BCAM: variants seen among roughly 807,000 people sequenced by gnomAD.
BCAM encodes basal cell adhesion molecule.
Under a neutral mutation model 72.4 loss-of-function variants are expected in BCAM, and 61 were observed. The observed-to-expected ratio is 0.84, with a 90% confidence interval of 0.69 to 1.04. BCAM has a LOEUF of 1.04. Among genes scored for constraint, BCAM ranks in the 50% least tolerant of loss-of-function variants. The pLI is 0.00. For missense variants in BCAM, 909 were observed against 895.0 expected, an observed-to-expected ratio of 1.02 and a Z score of -0.20; for synonymous variants, 408 against 384.2, an observed-to-expected ratio of 1.06 and a Z score of -0.73.
Position 44,818,983 on chromosome 19 carries a change from T to C in BCAM, c.1337-73T>C, listed in dbSNP as rs942114938. ...CCTGAGTCCCTGGCTGGGGACTCCA[T>C]CTTCTGCTCGATGCCTCTCTTCTCT... On this transcript the variant is annotated intron_variant, in intron 10 of 14. Coordinates refer to ENST00000270233, the MANE Select transcript of BCAM (RefSeq NM_005581.5). The surrounding 1 kb of genome is among the most constrained non-coding windows in gnomAD (Gnocchi z 4.6). 4 of 1,600,522 alleles carry C rather than the reference T, an allele frequency of 2.5e-6. No individual in the cohort carries two copies. The highest frequency in any genetic ancestry group is 3.4e-6 in the Non-Finnish European group (4 of 1,171,444).
chr19:44,809,103 A>G lies in BCAM; in HGVS notation c.-22A>G. The G allele has an allele frequency of 7.1e-7, 1 of 1,410,866 alleles. No individual in the cohort carries two copies. Among genetic ancestry groups the G allele is most frequent in the Non-Finnish European group, 9.2e-7 (1 of 1,082,638 alleles). 87.4% of individuals were successfully genotyped at this position (1,410,866 alleles called of 1,614,324 possible). On this transcript the variant is annotated 5_prime_UTR_variant, in exon 1 of 15. Transcript: ENST00000270233. ...AGCGGCCGAGCTGCAGCCCGGGCTCAGTCTCCGCCGCCGCCGTGAACATGG... is the reference window on the plus strand; with the variant it reads ...AGCGGCCGAGCTGCAGCCCGGGCTCGGTCTCCGCCGCCGCCGTGAACATGG...
rs201402292 is a variant in BCAM, at chr19:44,814,256, C to T, written c.889C>T (p.Pro297Ser). 5.0e-6 allele frequency: 8 copies of T among 1,592,616 alleles called. No individual in the cohort carries two copies. The Admixed American group carries it at 9.2e-5, about 18-fold the overall frequency. ...VQLLCRGDGS[P>S]SPEYTLFRLQ... ...GCTGCTCTGCCGGGGGGACGGCAGCCCCAGCCCGGAGTATACGCTTTTCCG... is the reference window on the plus strand; with the variant it reads ...GCTGCTCTGCCGGGGGGACGGCAGCTCCAGCCCGGAGTATACGCTTTTCCG... Residue 297 changes from proline (P) to serine (S), a missense_variant, in exon 7 of 15, where the codon CCC becomes TCC. By Grantham distance (74) the Pro-to-Ser change is moderately conservative. Transcript: ENST00000270233. The surrounding 1 kb of genome is among the most constrained non-coding windows in gnomAD (Gnocchi z 4.6).
chr19:44,812,126 G>A lies in BCAM; in HGVS notation c.205-37G>A, dbSNP rs1968429074. The stretch of plus-strand genomic sequence containing the variant: ...GAGAGAGAGAGACTGAGGAGCGCTG[G>A]GACACCCGGAGCTGAGAGCCTGCCC... On this transcript the variant is annotated intron_variant, in intron 2 of 14. Coordinates refer to ENST00000270233, the MANE Select transcript of BCAM (RefSeq NM_005581.5). The surrounding 1 kb of genome is among the most constrained non-coding windows in gnomAD (Gnocchi z 5.3). The A allele has an allele frequency of 1.3e-6, 2 of 1,553,060 alleles. No individual in the cohort carries two copies. The highest frequency in any genetic ancestry group is 1.7e-6 in the Non-Finnish European group (2 of 1,152,332).
Position 44,814,516 on chromosome 19 carries a change from T to C in BCAM, c.922-88T>C. The C allele has an allele frequency of 6.5e-7, 1 of 1,528,326 alleles. No homozygotes were observed. Among genetic ancestry groups the C allele is most frequent in the Non-Finnish European group, 8.8e-7 (1 of 1,131,118 alleles). The allele number at this position is 1,528,326 out of a possible 1,614,324, so 94.7% of individuals were successfully genotyped here. A position where few individuals can be genotyped will look rare whatever the true frequency, so the allele number is the denominator to read the frequency against. ...CCTGACCCCTGATTCTGGCTTAGCA[T>C]GACACTAACCTGGTGGCTTCTGACC... On this transcript the variant is annotated intron_variant, in intron 7 of 14. Coordinates refer to ENST00000270233, the MANE Select transcript of BCAM (RefSeq NM_005581.5). The surrounding 1 kb of genome is among the most constrained non-coding windows in gnomAD (Gnocchi z 4.6).
In BCAM at chr19:44,812,133, C is replaced by A; in HGVS notation, c.205-30C>A. The A allele has an allele frequency of 6.4e-7, 1 of 1,565,700 alleles. No homozygotes were observed. The highest frequency in any genetic ancestry group is 1.1e-5 in the South Asian group (1 of 87,238). ...AGAGACTGAGGAGCGCTGGGACACC[C>A]GGAGCTGAGAGCCTGCCCCGCGCCC... On this transcript the variant is annotated intron_variant, in intron 2 of 14. Transcript: ENST00000270233. This position sits in a 1 kb window ranked among gnomAD's most constrained non-coding sequence, Gnocchi z 5.3.
rs755610275 is a variant in BCAM, at chr19:44,812,226, G to A, written c.268G>A (p.Val90Ile). 19 of 1,607,752 alleles carry A rather than the reference G, an allele frequency of 1.2e-5. 1 individual carries two copies. The Middle Eastern group carries it at 9.9e-4, about 84-fold the overall frequency. Residue 90 changes from valine to isoleucine, a missense_variant, in exon 3 of 15, where the codon GTC (valine) becomes ATC (isoleucine). Val to Ile is a conservative substitution (Grantham distance 29, BLOSUM62 3). Coordinates refer to ENST00000270233, the MANE Select transcript of BCAM (RefSeq NM_005581.5). This position sits in a 1 kb window ranked among gnomAD's most constrained non-coding sequence, Gnocchi z 5.3. ...SAEMQGSELQ[V>I]TMHDTRGRSP... is the part of the protein sequence containing the mutation. ...TGAGATGCAGGGCTCTGAGCTCCAG[G>A]TCACAATGCACGACACCCGGGGCCG...
chr19:44,819,226 C>G (rs770519436), intron 11 of BCAM, 34 bp downstream of exon 11: 6 of 1,612,946 alleles, frequency 3.7e-6, no homozygotes, highest in Middle Eastern at 1.6e-4. Context: ...TGAGCCCCCT[C>G]TCACTCATCC....
Position 44,814,020 on chromosome 19 carries a change from G to C in BCAM, c.785-132G>C. The stretch of plus-strand genomic sequence containing the variant: ...CACTCAGAATAATTGTGAACCTGAG[G>C]CTTGAAACCTATGACCCGTAACCTT... On this transcript the variant is annotated intron_variant, in intron 6 of 14. Transcript: ENST00000270233. The surrounding 1 kb of genome is among the most constrained non-coding windows in gnomAD (Gnocchi z 4.6). The C allele has an allele frequency of 8.5e-7, 1 of 1,181,052 alleles. No individual in the cohort carries two copies. Among genetic ancestry groups the C allele is most frequent in the Non-Finnish European group, 1.2e-6 (1 of 856,498 alleles). 73.2% of individuals were successfully genotyped at this position (1,181,052 alleles called of 1,614,324 possible).
chr19:44,809,075 C>A, upstream of BCAM: 1 of 1,298,786 alleles, frequency 7.7e-7, no homozygotes, highest in Non-Finnish European at 9.8e-7. Flanking sequence ...CTCCCAGCCC[C>A]GCAGCGGCCG....
At position 44,812,245 on chromosome 19, in the gene BCAM, G is replaced by T; in HGVS notation, c.287G>T (p.Arg96Leu). 1 of 1,608,004 alleles carries T rather than the reference G, an allele frequency of 6.2e-7. No individual in the cohort carries two copies. The highest frequency in any genetic ancestry group is 1.1e-5 in the South Asian group (1 of 90,844). Residue 96 changes from arginine to leucine, a missense_variant, in exon 3 of 15, where the codon CGG becomes CTG. Coordinates refer to ENST00000270233, the MANE Select transcript of BCAM (RefSeq NM_005581.5). This position sits in a 1 kb window ranked among gnomAD's most constrained non-coding sequence, Gnocchi z 5.3. ...CTCCAGGTCACAATGCACGACACCC[G>T]GGGCCGCAGTCCCCCATACCAGCTG... ...SELQVTMHDT[R>L]GRSPPYQLDS...
In BCAM at chr19:44,814,421, C is replaced by G. The variant is rs117479098; in HGVS notation, c.921+133C>G. ...GGCAGCCACCTGATCTGGTGGCCCA[C>G]GAACTAAAAGGACCTCTGACCCCTG... On this transcript the variant is annotated intron_variant, in intron 7 of 14. Transcript: ENST00000270233. This position sits in a 1 kb window ranked among gnomAD's most constrained non-coding sequence, Gnocchi z 4.6. 4.1e-4 allele frequency: 583 copies of G among 1,434,124 alleles called. 7 individuals are homozygous for G. In the East Asian group the frequency reaches 0.012, roughly 30 times the overall value. The allele number at this position is 1,434,124 out of a possible 1,614,324, so 88.8% of individuals were successfully genotyped here. A position where few individuals can be genotyped will look rare whatever the true frequency, so the allele number is the denominator to read the frequency against.
chr19:44,813,363 C>G lies in BCAM; in HGVS notation c.601+17C>G, dbSNP rs369755665. 3.8e-5 allele frequency: 61 copies of G among 1,611,594 alleles called. No individual in the cohort carries two copies. The highest frequency in any genetic ancestry group is 4.5e-5 in the Non-Finnish European group (53 of 1,178,720). Reference sequence around the variant, plus strand: ...TGAACCCAGGTGAGCAGCGCAGGAGCGCGGCGGGACGTGGGCTGGGGTGGG... The same window carrying G: ...TGAACCCAGGTGAGCAGCGCAGGAGGGCGGCGGGACGTGGGCTGGGGTGGG... On this transcript the variant is annotated intron_variant, in intron 5 of 14. Coordinates refer to ENST00000270233, the MANE Select transcript of BCAM (RefSeq NM_005581.5). This position sits in a 1 kb window ranked among gnomAD's most constrained non-coding sequence, Gnocchi z 4.2.
At chr19:44,816,693 C>T (rs1968507139) in intron 8 of BCAM, among the ~76,000 whole-genome samples, 1 of 151,548 alleles carries the variant, frequency 6.6e-6, no homozygotes, top group Non-Finnish European at 1.5e-5. Context: ...AATCCCAGCA[C>T]TTTGGGAGGC....
At position 44,814,519 on chromosome 19, in the gene BCAM, C is replaced by T. The variant is rs949912219; in HGVS notation, c.922-85C>T. On this transcript the variant is annotated intron_variant, in intron 7 of 14. Coordinates refer to ENST00000270233, the MANE Select transcript of BCAM (RefSeq NM_005581.5). The surrounding 1 kb of genome is among the most constrained non-coding windows in gnomAD (Gnocchi z 4.6). Reference sequence around the variant, plus strand: ...GACCCCTGATTCTGGCTTAGCATGACACTAACCTGGTGGCTTCTGACCTAG... The same window carrying T: ...GACCCCTGATTCTGGCTTAGCATGATACTAACCTGGTGGCTTCTGACCTAG... 9.7e-6 allele frequency: 15 copies of T among 1,540,168 alleles called. No individual in the cohort carries two copies. In the African/African-American group the frequency reaches 2.0e-4, roughly 21 times the overall value.
rs1236345106 is a variant in BCAM, at chr19:44,812,339, G to C, written c.381G>C (p.Val127=). ...ACGAGCGAGACTACGTGTGCGTGGTGAGGGCAGGGGCGGCAGGCACTGCTG... is the reference window on the plus strand; with the variant it reads ...ACGAGCGAGACTACGTGTGCGTGGTCAGGGCAGGGGCGGCAGGCACTGCTG... ...VGDERDYVCV[V]RAGAAGTAEA... is the part of the protein sequence containing the mutation. The change falls in exon 3 of 15, where the codon GTG becomes GTC. Residue 127 remains valine (V), a synonymous_variant. Transcript: ENST00000270233. This position sits in a 1 kb window ranked among gnomAD's most constrained non-coding sequence, Gnocchi z 5.3. The C allele has an allele frequency of 1.9e-6, 3 of 1,613,382 alleles. No homozygotes were observed. Among genetic ancestry groups the C allele is most frequent in the Non-Finnish European group, 2.5e-6 (3 of 1,179,552 alleles).
chr19:44,819,280 G>A lies in BCAM; in HGVS notation c.1474-66G>A, dbSNP rs145408767. On this transcript the variant is annotated intron_variant, in intron 11 of 14. Coordinates refer to ENST00000270233, the MANE Select transcript of BCAM (RefSeq NM_005581.5). ...TCCACTTCCTGGGAGACTGGACGTC[G>A]TTCACCTCTGCCCTTGACCCCACCC... 703 of 1,610,284 alleles carry A rather than the reference G, an allele frequency of 4.4e-4. 5 individuals carry two copies. The highest frequency in any genetic ancestry group is 3.7e-3 in the African/African-American group (276 of 74,858).
At chr19:44,811,529 G>A in intron 2 of BCAM, 183 bp downstream of exon 2, 4 of 970,612 alleles carry the variant, frequency 4.1e-6, no homozygotes, top group Non-Finnish European at 6.0e-6. Context: ...GCACAGCCAA[G>A]TCTAGAATGA....
In BCAM at chr19:44,813,576, G is replaced by T. The variant is rs751493122; in HGVS notation, c.740G>T (p.Arg247Leu). ...GCCCACTACAGCCTGCCCGAGGGCCGCCACGGCCGCCTGGACAGCCCCACC... is the reference window on the plus strand; with the variant it reads ...GCCCACTACAGCCTGCCCGAGGGCCTCCACGGCCGCCTGGACAGCCCCACC... The part of the protein sequence containing the change: ...CAAHYSLPEG[R>L]HGRLDSPTFH... Residue 247 changes from arginine (R) to leucine (L), a missense_variant, in exon 6 of 15, where the codon CGC becomes CTC. Arg to Leu is a moderately radical substitution (Grantham distance 102). Coordinates refer to ENST00000270233, the MANE Select transcript of BCAM (RefSeq NM_005581.5). This position sits in a 1 kb window ranked among gnomAD's most constrained non-coding sequence, Gnocchi z 4.2. The T allele has an allele frequency of 6.2e-6, 10 of 1,612,378 alleles. No individual in the cohort carries two copies. In the East Asian group the frequency reaches 1.1e-4, roughly 18 times the overall value.
At chr19:44,819,841 C>T (rs1968559792) in intron 13 of BCAM, 115 bp downstream of exon 13, 11 of 1,429,724 alleles carry the variant, frequency 7.7e-6, no homozygotes, top group Middle Eastern at 2.5e-4. Flanking sequence ...CATCCCACCA[C>T]ATCCACCTCC....
Sources: allele counts gnomAD v4.1 joint callset (sites outside exome capture counted in the v4.1 genomes callset), GRCh38; gene constraint gnomAD v4.1.1; non-coding constraint Gnocchi (gnomAD v3.1); transcripts MANE v1.5; gene names NCBI Gene and HGNC (gene_info 2026-07-23, HGNC 2026-07-21).